Variants in CDK6 observed in about 807,000 individuals in gnomAD.
CDK6 encodes cyclin-dependent kinase 6.
Under a neutral mutation model 37.1 loss-of-function variants are expected in CDK6, and 6 were observed. The ratio of observed to expected loss-of-function variants is 0.16; its 90% CI spans 0.09 to 0.32. CDK6 has a LOEUF of 0.32. Ranked by LOEUF, CDK6 falls within the 10% of genes least tolerant of loss-of-function variation. CDK6 has a pLI of 1.00. For synonymous variants in CDK6, 160 were observed against 161.3 expected, an observed-to-expected ratio of 0.99 and a Z score of 0.06; for missense variants, 224 against 418.9, an observed-to-expected ratio of 0.53 and a Z score of 4.06.
In CDK6 at chr7:92,608,784, C is replaced by G. The variant is rs529329727; in HGVS notation, c.*6356G>C. On this transcript the variant is annotated 3_prime_UTR_variant, in exon 8 of 8. Coordinates refer to ENST00000424848, the MANE Select transcript of CDK6 (RefSeq NM_001145306.2). ...GGCACTCTGACCTCGGAAAGCAGCC[C>G]GCGGGGCCGCACATAATTTCAGGCA... The G allele has an allele frequency of 1.4e-3, 323 of 231,834 alleles. No homozygotes were observed. The highest frequency in any genetic ancestry group is 5.6e-3 in the African/African-American group (256 of 45,362). 14.4% of individuals were successfully genotyped at this position (231,834 alleles called of 1,614,324 possible).
chr7:92,705,357 A>G (rs1562941314), intron 4 of CDK6, among the ~76,000 whole-genome samples: 1 of 152,242 alleles, frequency 6.6e-6, no homozygotes, highest in Non-Finnish European at 1.5e-5. Flanking sequence ...CAAGAGAGGA[A>G]GCATATAACA....
At chr7:92,781,596 C>T (rs963352554) in intron 2 of CDK6, among the ~76,000 whole-genome samples, 1 of 152,112 alleles carries the variant, frequency 6.6e-6, no homozygotes, top group South Asian at 2.1e-4. Flanking sequence ...ATTGTGGTTA[C>T]AATAAAAGGG....
intron 4 of CDK6, among the ~76,000 whole-genome samples, chr7:92,686,402 A>G (rs987418572): frequency 2.0e-5 from 3 of 152,180 alleles, no homozygotes; most frequent in African/African-American, 7.2e-5. Context: ...TACTTCACTT[A>G]GAATAATCGT....
chr7:92,756,533 A>G (rs1799322516), intron 3 of CDK6, among the ~76,000 whole-genome samples: 3 of 152,230 alleles, frequency 2.0e-5, no homozygotes, highest in Admixed American at 1.3e-4. Flanking sequence ...GAATTCAGTC[A>G]ATGAACAATG....
chr7:92,649,193 T>C (rs952553641), intron 5 of CDK6, among the ~76,000 whole-genome samples: 1 of 152,246 alleles, frequency 6.6e-6, no homozygotes, highest in African/African-American at 2.4e-5. Flanking sequence ...AAATTTTTAG[T>C]ATTGACCGAT....
In CDK6 at chr7:92,688,583, A is replaced by T. The variant is rs76356002; in HGVS notation, c.538-17048T>A. On this transcript the variant is annotated intron_variant, in intron 4 of 7. Coordinates refer to ENST00000424848, the MANE Select transcript of CDK6 (RefSeq NM_001145306.2). ...GAGGTGTATAGACTACATATACATCACACACACACACACACACACACACAC... is the reference window on the plus strand; with the variant it reads ...GAGGTGTATAGACTACATATACATCTCACACACACACACACACACACACAC... Among the ~76,000 whole-genome samples the T allele has an allele frequency of 5.4e-3, 384 of 70,604 alleles. 4 individuals carry two copies. The highest frequency in any genetic ancestry group is 0.039 in the East Asian group (57 of 1,470). 46.3% of individuals were successfully genotyped at this position (70,604 alleles called of 152,430 possible).
intron 4 of CDK6, among the ~76,000 whole-genome samples, chr7:92,721,263 A>C (rs1327767232): frequency 6.6e-6 from 1 of 152,140 alleles, no homozygotes; most frequent in African/African-American, 2.4e-5. Flanking sequence ...CAAAATCCCT[A>C]TTAGGAGGAA....
chr7:92,779,881 ATG>A, intron 2 of CDK6, among the ~76,000 whole-genome samples: 1 of 152,340 alleles, frequency 6.6e-6, no homozygotes, highest in East Asian at 1.9e-4. Flanking sequence ...AATATTTATG[ATG>A]CTTTTTTTTG....
intron 4 of CDK6, among the ~76,000 whole-genome samples, chr7:92,699,974 G>A (rs1198911729): frequency 6.6e-6 from 1 of 152,140 alleles, no homozygotes; most frequent in Non-Finnish European, 1.5e-5. Flanking sequence ...ATATGGATAA[G>A]GTACATAAAG....
chr7:92,821,528 T>G (rs1318861091), intron 2 of CDK6, among the ~76,000 whole-genome samples: 1 of 152,042 alleles, frequency 6.6e-6, no homozygotes, highest in African/African-American at 2.4e-5. Context: ...AACAAAAAAC[T>G]GCAAATAACT....
At chr7:92,683,709 T>TC (rs770417668) in intron 4 of CDK6, among the ~76,000 whole-genome samples, 55 of 144,888 alleles carry the variant, frequency 3.8e-4, no homozygotes, top group African/African-American at 1.3e-3. Context: ...AGGACTGTGG[T>TC]GGGGGGGGGG....
chr7:92,748,218 C>T (rs1434603153), intron 3 of CDK6, among the ~76,000 whole-genome samples: 2 of 152,190 alleles, frequency 1.3e-5, no homozygotes, highest in East Asian at 1.9e-4. Context: ...TTTCAAGAAG[C>T]AACTATTATA....
intron 5 of CDK6, among the ~76,000 whole-genome samples, chr7:92,670,297 T>A (rs1209207337): frequency 4.6e-5 from 7 of 152,142 alleles, no homozygotes; most frequent in African/African-American, 1.7e-4. Flanking sequence ...TGATCTCCTA[T>A]CCTATGAGCC....
At chr7:92,739,252 T>A (rs1282759299) in intron 3 of CDK6, among the ~76,000 whole-genome samples, 5 of 152,212 alleles carry the variant, frequency 3.3e-5, no homozygotes, top group Non-Finnish European at 7.3e-5. Context: ...CATTTGTGGC[T>A]TCAACATTTA....
Position 92,660,128 on chromosome 7 carries a change from C to T in CDK6, c.647+11298G>A, listed in dbSNP as rs145061154. Among the ~76,000 whole-genome samples, 209 of 152,266 alleles carry T rather than the reference C, an allele frequency of 1.4e-3. 1 individual carries two copies. The highest frequency in any genetic ancestry group is 4.6e-3 in the African/African-American group (190 of 41,556). On this transcript the variant is annotated intron_variant, in intron 5 of 7. Transcript: ENST00000424848. ...AAGCTGGTAGGGGTAGGGCTGGAAC[C>T]CATTCTTAGATGTCTGGTTCCTAAG... is the stretch of plus-strand genomic sequence containing the variant.
At chr7:92,636,990 C>T (rs1247739155) in intron 5 of CDK6, among the ~76,000 whole-genome samples, 2 of 152,142 alleles carry the variant, frequency 1.3e-5, no homozygotes, top group African/African-American at 2.4e-5. Context: ...TAAATGAAAA[C>T]TTCAAAAATT....
At chr7:92,818,393 A>T (rs1801081898) in intron 2 of CDK6, among the ~76,000 whole-genome samples, 1 of 152,010 alleles carries the variant, frequency 6.6e-6, no homozygotes, top group Non-Finnish European at 1.5e-5. Flanking sequence ...CTGGATATCC[A>T]TACAGGAAAA....
intron 4 of CDK6, among the ~76,000 whole-genome samples, chr7:92,672,174 CACACACACAGACACAT>C (rs1797092924): frequency 6.7e-5 from 7 of 104,948 alleles, no homozygotes; most frequent in African/African-American, 1.9e-4. Context: ...CATACACACA[CACACACACAGACACAT>C]ACACACACAC....
At position 92,616,377 on chromosome 7, in the gene CDK6, T is replaced by G. The variant is rs114580223; in HGVS notation, c.835-1091A>C. Among the ~76,000 whole-genome samples, 509 of 152,286 alleles carry G rather than the reference T, an allele frequency of 3.3e-3. 3 individuals are homozygous for G. Among genetic ancestry groups the G allele is most frequent in the African/African-American group, 8.9e-3 (369 of 41,550 alleles). Reference sequence around the variant, plus strand: ...AAACAAATACAAACAGAAAGTTCTATGTGTAATTTCAGGCAAATTCTTGGG... The same window carrying G: ...AAACAAATACAAACAGAAAGTTCTAGGTGTAATTTCAGGCAAATTCTTGGG... On this transcript the variant is annotated intron_variant, in intron 7 of 7. Coordinates refer to ENST00000424848, the MANE Select transcript of CDK6 (RefSeq NM_001145306.2).
Sources: allele counts gnomAD v4.1 joint callset (sites outside exome capture counted in the v4.1 genomes callset), GRCh38; gene constraint gnomAD v4.1.1; transcripts MANE v1.5; gene names NCBI Gene and HGNC (gene_info 2026-07-23, HGNC 2026-07-21).